PLGRKT: variants seen among roughly 807,000 people sequenced by gnomAD.
PLGRKT encodes the protein plasminogen receptor with a C-terminal lysine, also known as plasminogen receptor (KT).
PLGRKT carries 22 observed loss-of-function variants against 18.5 expected under a neutral mutation model. That is an observed-to-expected ratio of 1.19 (90% CI 0.85 to 1.70). PLGRKT has a LOEUF of 1.70. Ranked by LOEUF, PLGRKT falls within the 40% of genes most tolerant of loss-of-function variation. PLGRKT has a pLI of 0.00. For synonymous variants in PLGRKT, 72 were observed against 52.8 expected (o/e 1.36, Z -1.58); for missense variants, 235 against 174.4 (o/e 1.35, Z -1.96).
At chr9:5,415,828 G>A (rs1040794948) in intron 3 of PLGRKT, among the ~76,000 whole-genome samples, 1 of 151,824 alleles carries the variant, frequency 6.6e-6, no homozygotes. Context: ...TAAAAGGCAA[G>A]GAAAGAAAGA....
intron 3 of PLGRKT, among the ~76,000 whole-genome samples, chr9:5,387,347 T>C (rs1314058804): frequency 6.6e-6 from 1 of 151,810 alleles, no homozygotes; most frequent in Non-Finnish European, 1.5e-5. Context: ...AATGAACACA[T>C]TTTCATTCAT....
chr9:5,379,640 C>T (rs1339534365), intron 3 of PLGRKT, among the ~76,000 whole-genome samples: 1 of 152,174 alleles, frequency 6.6e-6, no homozygotes, highest in Non-Finnish European at 1.5e-5. Context: ...AAGGGCATTT[C>T]ACTGAAGAAT....
rs145118239 is a variant in PLGRKT at position 5,404,189 on chromosome 9, C to G, written c.81+27708G>C. Among the ~76,000 whole-genome samples the G allele has an allele frequency of 1.7e-4, 26 of 152,142 alleles. No homozygotes were observed. In the East Asian group the frequency reaches 4.1e-3, roughly 24 times the overall value. On this transcript the variant is annotated intron_variant, in intron 3 of 5. Transcript: ENST00000223864. The stretch of plus-strand genomic sequence containing the variant: ...TGATGGATTTACAGCTGAATTCTAC[C>G]AGAAGTACAAAGAAGAGCTGGTACC...
chr9:5,371,986 C>CTTTTTTTTTTTTTTTTTTTTTTT lies in PLGRKT; in HGVS notation c.82-10099_82-10098insAAAAAAAAAAAAAAAAAAAAAAA, dbSNP rs71326158. On this transcript the variant is annotated intron_variant, in intron 3 of 5. Coordinates refer to ENST00000223864, the MANE Select transcript of PLGRKT (RefSeq NM_018465.4). ...CTGCAAAAAACAATATCAGAAAATC[C>CTTTTTTTTTTTTTTTTTTTTTTT]TTTTTTTTTTTTTGATATGGAGTCT... is the stretch of plus-strand genomic sequence containing the variant. Among the ~76,000 whole-genome samples, 385 of 89,062 alleles carry CTTTTTTTTTTTTTTTTTTTTTTT rather than the reference C, an allele frequency of 4.3e-3. 81 individuals carry two copies. Among genetic ancestry groups the CTTTTTTTTTTTTTTTTTTTTTTT allele is most frequent in the Middle Eastern group, 6.8e-3 (1 of 146 alleles). 58.4% of individuals were successfully genotyped at this position (89,062 alleles called of 152,430 possible). A position where few individuals can be genotyped will look rare whatever the true frequency, so the allele number is the denominator to read the frequency against.
intron 4 of PLGRKT, 134 bp from the exon 5 acceptor site, chr9:5,361,321 T>C: frequency 3.4e-6 from 2 of 593,982 alleles, no homozygotes; most frequent in East Asian, 2.9e-5. Flanking sequence ...ACACATTTGA[T>C]AATTCTATGG....
At chr9:5,367,101 A>G (rs140002398) in intron 3 of PLGRKT, among the ~76,000 whole-genome samples, 3 of 151,562 alleles carry the variant, frequency 2.0e-5, no homozygotes, top group African/African-American at 7.3e-5. Flanking sequence ...AGACAGCACA[A>G]ACAAATGAAA....
intron 3 of PLGRKT, among the ~76,000 whole-genome samples, chr9:5,362,558 G>C (rs1554625883): frequency 1.2e-4 from 19 of 152,158 alleles, no homozygotes; most frequent in Non-Finnish European, 7.4e-5. Flanking sequence ...TATTTGAAGA[G>C]AGTTATATTC....
At chr9:5,406,427 C>A (rs1344381081) in intron 3 of PLGRKT, among the ~76,000 whole-genome samples, 1 of 152,110 alleles carries the variant, frequency 6.6e-6, no homozygotes, top group Non-Finnish European at 1.5e-5. Context: ...TACTATGCAG[C>A]CATAAAAAGG....
chr9:5,417,328 C>T (rs140833009), intron 3 of PLGRKT, among the ~76,000 whole-genome samples: 86 of 152,176 alleles, frequency 5.7e-4, no homozygotes, highest in Admixed American at 9.8e-4. Context: ...GATATCCACA[C>T]GCAAAAGAGT....
intron 3 of PLGRKT, among the ~76,000 whole-genome samples, chr9:5,401,561 A>G (rs773203185): frequency 6.6e-6 from 1 of 151,968 alleles, no homozygotes; most frequent in Non-Finnish European, 1.5e-5. Flanking sequence ...GAACAGGAAG[A>G]CTTTGTGTCA....
chr9:5,377,191 C>T (rs1436163082), intron 3 of PLGRKT, among the ~76,000 whole-genome samples: 1 of 151,478 alleles, frequency 6.6e-6, no homozygotes, highest in Non-Finnish European at 1.5e-5. Context: ...TGCTTAGACA[C>T]ACTGTCAAGT....
intron 3 of PLGRKT, among the ~76,000 whole-genome samples, chr9:5,363,423 T>A (rs1012783651): frequency 6.6e-6 from 1 of 151,462 alleles, no homozygotes; most frequent in Non-Finnish European, 1.5e-5. Flanking sequence ...TGGCCCAAGG[T>A]TTTGGACTCT....
At chr9:5,358,591 T>G (rs1316971462) in intron 5 of PLGRKT, among the ~76,000 whole-genome samples, 1 of 152,184 alleles carries the variant, frequency 6.6e-6, no homozygotes, top group East Asian at 1.9e-4. Context: ...TTTTGACATG[T>G]AGAAGAGAAA....
chr9:5,408,866 G>C (rs1818306939), intron 3 of PLGRKT, among the ~76,000 whole-genome samples: 1 of 152,228 alleles, frequency 6.6e-6, no homozygotes, highest in Non-Finnish European at 1.5e-5. Context: ...TCCAGCTCCA[G>C]CTTCAGGTCA....
intron 3 of PLGRKT, among the ~76,000 whole-genome samples, chr9:5,403,514 C>T (rs190376532): frequency 8.3e-4 from 126 of 152,288 alleles, no homozygotes; most frequent in African/African-American, 2.7e-3. Context: ...CGTGAGCCAC[C>T]ACGCCCAGCC....
At chr9:5,403,575 G>C (rs1818198396) in intron 3 of PLGRKT, among the ~76,000 whole-genome samples, 1 of 152,162 alleles carries the variant, frequency 6.6e-6, no homozygotes, top group African/African-American at 2.4e-5. Flanking sequence ...ATACTTCACA[G>C]TAAGGATAAA....
intron 3 of PLGRKT, among the ~76,000 whole-genome samples, chr9:5,403,221 T>C (rs1474787403): frequency 7.1e-6 from 1 of 140,900 alleles, no homozygotes; most frequent in African/African-American, 2.6e-5. Context: ...ATGATTCTTT[T>C]TTCTTTTTTT....
rs574214515 is a variant in PLGRKT at position 5,434,716 on chromosome 9, C to T, written c.-7+1853G>A. On this transcript the variant is annotated intron_variant, in intron 2 of 5. Coordinates refer to ENST00000223864, the MANE Select transcript of PLGRKT (RefSeq NM_018465.4). ...GAGGTGTGCCTCTGCCTGGCCGCTC[C>T]GTCTGGGAAGTGAGGAGCGCCTCTG... Among the ~76,000 whole-genome samples the T allele has an allele frequency of 2.4e-3, 362 of 150,724 alleles. 2 individuals are homozygous for T. The highest frequency in any genetic ancestry group is 8.0e-3 in the African/African-American group (330 of 41,088).
At chr9:5,380,730 C>T (rs1817726129) in intron 3 of PLGRKT, among the ~76,000 whole-genome samples, 1 of 152,172 alleles carries the variant, frequency 6.6e-6, no homozygotes, top group African/African-American at 2.4e-5. Flanking sequence ...TGTTCTCTTG[C>T]CATAACCTTG....
Sources: allele counts gnomAD v4.1 joint callset (sites outside exome capture counted in the v4.1 genomes callset), GRCh38; gene constraint gnomAD v4.1.1; transcripts MANE v1.5; gene names NCBI Gene and HGNC (gene_info 2026-07-23, HGNC 2026-07-21).